Variants in BNIP1 observed in about 807,000 individuals in gnomAD.
BNIP1 encodes the protein BCL2 interacting protein 1.
A neutral mutation model predicts 28.5 loss-of-function variants in BNIP1; 25 were observed. The observed-to-expected ratio is 0.88, with a 90% confidence interval of 0.64 to 1.23. BNIP1 has a LOEUF of 1.23. BNIP1 is among the 50% of genes most tolerant of loss of function. The pLI, the probability that BNIP1 is intolerant of heterozygous loss-of-function variation, is 0.00. For missense variants in BNIP1, 276 were observed against 277.0 expected (o/e 1.00, Z 0.02); for synonymous variants, 118 against 101.7 (o/e 1.16, Z -0.96).
chr5:173,147,927 G>A (rs989838977), intron 2 of BNIP1, among the ~76,000 whole-genome samples: 1 of 150,380 alleles, frequency 6.6e-6, no homozygotes, highest in Non-Finnish European at 1.5e-5. Flanking sequence ...GCTGGGCATG[G>A]TGGCACACAC....
At chr5:173,160,703 C>G (rs1760338268) in intron 5 of BNIP1, 7 of 420,984 alleles carry the variant, frequency 1.7e-5, no homozygotes, top group South Asian at 1.2e-4. Context: ...CTCTGGGGAC[C>G]CATATGGCCA....
At chr5:173,148,075 AAAAAAAAAATAT>A in intron 2 of BNIP1, among the ~76,000 whole-genome samples, 1 of 48,792 alleles carries the variant, frequency 2.0e-5, no homozygotes, top group Non-Finnish European at 3.6e-5. Context: ...AAAAAAAAAA[AAAAAAAAAATAT>A]ATATATATAT....
intron 2 of BNIP1, among the ~76,000 whole-genome samples, chr5:173,152,418 C>T (rs904935612): frequency 2.6e-5 from 4 of 151,696 alleles, no homozygotes; most frequent in Admixed American, 6.6e-5. Flanking sequence ...GGCACGATCT[C>T]GGCTCACTGC....
chr5:173,158,452 C>T (rs1346571244), intron 3 of BNIP1, among the ~76,000 whole-genome samples: 1 of 152,246 alleles, frequency 6.6e-6, no homozygotes, highest in African/African-American at 2.4e-5. Flanking sequence ...CATTGTGGAG[C>T]TGTGCACAGA....
At chr5:173,148,062 CAAAAAAAAA>C (rs1167169755) in intron 2 of BNIP1, among the ~76,000 whole-genome samples, 1 of 4,480 alleles carries the variant, frequency 2.2e-4, no homozygotes, top group African/African-American at 1.4e-3. Flanking sequence ...GACTCTGTGT[CAAAAAAAAA>C]AAAAAAAAAA....
Position 173,164,183 on chromosome 5 carries a change from G to A in BNIP1, c.*262G>A. The A allele has an allele frequency of 3.1e-6, 1 of 324,154 alleles. No individual in the cohort carries two copies. The highest frequency in any genetic ancestry group is 5.6e-6 in the Non-Finnish European group (1 of 179,024). The allele number at this position is 324,154 out of a possible 1,614,324, so 20.1% of individuals were successfully genotyped here. On this transcript the variant is annotated 3_prime_UTR_variant, in exon 6 of 6. Coordinates refer to ENST00000351486, the MANE Select transcript of BNIP1 (RefSeq NM_001205.3). This position sits in a 1 kb window ranked among gnomAD's most constrained non-coding sequence, Gnocchi z 4.0. ...CCTTCCACCATTGTGCACTATGGGA[G>A]GCCGCTGCTGCGTGGAGCACTTAAA...
At chr5:173,156,948 C>T (rs527254828) in intron 3 of BNIP1, among the ~76,000 whole-genome samples, 3 of 150,792 alleles carry the variant, frequency 2.0e-5, no homozygotes, top group East Asian at 1.9e-4. Flanking sequence ...CGTGCCCAGC[C>T]GACCCTGTCT....
At chr5:173,160,893 GTTT>G in intron 5 of BNIP1, 1 of 456,258 alleles carries the variant, frequency 2.2e-6, no homozygotes, top group Non-Finnish European at 4.4e-6. Flanking sequence ...TCCTCCAATA[GTTT>G]TCCCAGAGTG....
intron 5 of BNIP1, among the ~76,000 whole-genome samples, chr5:173,162,702 C>A (rs750511758): frequency 6.6e-6 from 1 of 152,016 alleles, no homozygotes; most frequent in African/African-American, 2.4e-5. Context: ...GCATTAGCCA[C>A]GTTTTTCTAT....
chr5:173,162,500 A>G (rs1270526787), intron 5 of BNIP1, among the ~76,000 whole-genome samples: 1 of 152,092 alleles, frequency 6.6e-6, no homozygotes, highest in Non-Finnish European at 1.5e-5. Context: ...GTGGTGGTGC[A>G]TGCCTGTAGT....
rs374188378 is a variant in BNIP1 at position 173,147,510 on chromosome 5, C to T, written c.177+552C>T. Among the ~76,000 whole-genome samples, 114 of 152,190 alleles carry T rather than the reference C, an allele frequency of 7.5e-4. 1 individual carries two copies. The East Asian group carries it at 0.012, about 16-fold the overall frequency. ...TGGAATTTTTGAAATCCTGGGGCCA[C>T]TTCAAATACTTTCTCTTCTCTGCCA... is the stretch of plus-strand genomic sequence containing the variant. On this transcript the variant is annotated intron_variant, in intron 2 of 5. Coordinates refer to ENST00000351486, the MANE Select transcript of BNIP1 (RefSeq NM_001205.3).
At chr5:173,147,361 A>C (rs540136793) in intron 2 of BNIP1, among the ~76,000 whole-genome samples, 67 of 151,736 alleles carry the variant, frequency 4.4e-4, no homozygotes, top group African/African-American at 1.5e-3. Context: ...GCCGAGATCG[A>C]GCCACTGCAC....
chr5:173,148,076 AAAAAAAAATATAT>A (rs1759894575), intron 2 of BNIP1, among the ~76,000 whole-genome samples: 3 of 46,828 alleles, frequency 6.4e-5, no homozygotes, highest in Non-Finnish European at 1.1e-4. Context: ...AAAAAAAAAA[AAAAAAAAATATAT>A]ATATATATAT....
rs982118449 is a variant in BNIP1, at chr5:173,154,401, A to C, written c.257A>C (p.Lys86Thr). 1 of 1,613,608 alleles carries C rather than the reference A, an allele frequency of 6.2e-7. No homozygotes were observed. Among genetic ancestry groups the C allele is most frequent in the Non-Finnish European group, 8.5e-7 (1 of 1,179,716 alleles). Residue 86 changes from lysine (K) to threonine (T), a missense_variant, in exon 3 of 6, where the codon AAG (lysine) becomes ACG (threonine). Lys to Thr is a moderately conservative substitution (Grantham distance 78). Coordinates refer to ENST00000351486, the MANE Select transcript of BNIP1 (RefSeq NM_001205.3). ...LLLQEVENHKKQMLSNQASWR... is the reference protein window; with the variant it reads ...LLLQEVENHKTQMLSNQASWR... Reference sequence around the variant, plus strand: ...CTCCAGGAAGTGGAGAATCACAAAAAGCAGATGCTCAGGTAGGCAGGGCCT... The same window carrying C: ...CTCCAGGAAGTGGAGAATCACAAAACGCAGATGCTCAGGTAGGCAGGGCCT...
intron 2 of BNIP1, chr5:173,151,522 C>T: frequency 6.3e-7 from 1 of 1,577,452 alleles, no homozygotes; most frequent in Non-Finnish European, 8.6e-7. Flanking sequence ...CACCTGGTCT[C>T]TCATTCTTTT....
chr5:173,152,933 A>G (rs1465272698), intron 2 of BNIP1, among the ~76,000 whole-genome samples: 1 of 152,204 alleles, frequency 6.6e-6, no homozygotes, highest in African/African-American at 2.4e-5. Flanking sequence ...GATTGAAGCT[A>G]GAACCTGTTT....
intron 2 of BNIP1, among the ~76,000 whole-genome samples, chr5:173,148,203 A>C (rs1318896394): frequency 7.1e-6 from 1 of 141,212 alleles, no homozygotes; most frequent in Non-Finnish European, 1.5e-5. Context: ...GGCTCAAGCA[A>C]TCCTCCTGCC....
chr5:173,160,182 A>C, intron 5 of BNIP1, 131 bp downstream of exon 5: 5 of 750,696 alleles, frequency 6.7e-6, no homozygotes, highest in Non-Finnish European at 6.8e-6. Flanking sequence ...CTTCTCCCTC[A>C]TGAGATGACT....
intron 1 of BNIP1, among the ~76,000 whole-genome samples, chr5:173,145,655 G>A (rs769791166): frequency 3.9e-5 from 6 of 152,068 alleles, no homozygotes; most frequent in Non-Finnish European, 8.8e-5. Flanking sequence ...CGCCCGCCTC[G>A]GCCTCCCAAA....
Sources: gnomAD v4.1 joint callset for allele counts (sites outside exome capture counted in the v4.1 genomes callset) on GRCh38, gnomAD v4.1.1 for gene constraint, Gnocchi (gnomAD v3.1) non-coding constraint, MANE v1.5 for transcripts, NCBI Gene and HGNC (gene_info 2026-07-23, HGNC 2026-07-21) for gene names.